Variants in PABPC4L observed in about 807,000 individuals in gnomAD.
The protein encoded by PABPC4L is polyadenylate-binding protein 4-like.
For missense variants in PABPC4L, 452 were observed against 451.4 expected, an observed-to-expected ratio of 1.00 and a Z score of -0.01; for synonymous variants, 169 against 164.1, an observed-to-expected ratio of 1.03 and a Z score of -0.23.
At chr4:134,050,706 CAAAAAAAAA>C in the PABPC4L span, among the ~76,000 whole-genome samples, 2 of 83,018 alleles carry the variant, frequency 2.4e-5, no homozygotes, top group Non-Finnish European at 4.5e-5. Context: ...CACCGTCTCC[CAAAAAAAAA>C]AAAAAAAAAA....
chr4:133,976,291 C>G, the PABPC4L span, among the ~76,000 whole-genome samples: 131 of 152,192 alleles, frequency 8.6e-4, 1 homozygote, highest in African/African-American at 3.1e-3. Context: ...TGTTCTCATT[C>G]TTTTTATGGC....
chr4:134,030,366 AG>A, the PABPC4L span, among the ~76,000 whole-genome samples: 1 of 152,168 alleles, frequency 6.6e-6, no homozygotes, highest in Admixed American at 6.6e-5. Flanking sequence ...AAAGCTTCAA[AG>A]TTTTAATTTT....
chr4:134,018,227 T>C, the PABPC4L span, among the ~76,000 whole-genome samples: 1 of 151,924 alleles, frequency 6.6e-6, no homozygotes, highest in Non-Finnish European at 1.5e-5. Context: ...TTGACTGTAA[T>C]TTTCCTTTAC....
At chr4:134,008,415 C>A in the PABPC4L span, among the ~76,000 whole-genome samples, 2 of 151,362 alleles carry the variant, frequency 1.3e-5, no homozygotes, top group African/African-American at 4.9e-5. Flanking sequence ...AGTAGACTTA[C>A]CTAATGCACA....
At chr4:134,056,601 T>C in the PABPC4L span, among the ~76,000 whole-genome samples, 1 of 151,970 alleles carries the variant, frequency 6.6e-6, no homozygotes, top group Non-Finnish European at 1.5e-5. Context: ...AATTAATACA[T>C]AATATTATTT....
chr4:134,147,082 A>G, the PABPC4L span, among the ~76,000 whole-genome samples: 1 of 152,152 alleles, frequency 6.6e-6, no homozygotes, highest in Admixed American at 6.6e-5. Context: ...GCATTATCAT[A>G]ACAAAATAAT....
chr4:134,123,747 T>TA, the PABPC4L span, among the ~76,000 whole-genome samples: 2 of 151,962 alleles, frequency 1.3e-5, no homozygotes, highest in African/African-American at 4.8e-5. Context: ...TTTTAATTTT[T>TA]AAAAAATGCC....
At chr4:133,951,799 A>G in the PABPC4L span, among the ~76,000 whole-genome samples, 4 of 152,120 alleles carry the variant, frequency 2.6e-5, no homozygotes, top group Admixed American at 1.3e-4. Context: ...TAGAAGGGTC[A>G]GGTTCCCCTT....
chr4:134,003,221 G>A, the PABPC4L span, among the ~76,000 whole-genome samples: 6 of 151,868 alleles, frequency 4.0e-5, no homozygotes, highest in Admixed American at 6.6e-5. Flanking sequence ...TTTAGTTCAC[G>A]GAAAGGAGAA....
the PABPC4L span, among the ~76,000 whole-genome samples, chr4:134,050,576 G>C: frequency 6.6e-6 from 1 of 151,740 alleles, no homozygotes; most frequent in African/African-American, 2.4e-5. Context: ...ATGGTAGCAG[G>C]CGCCTGTAAA....
the PABPC4L span, among the ~76,000 whole-genome samples, chr4:134,050,156 A>C: frequency 6.6e-6 from 1 of 152,160 alleles, no homozygotes; most frequent in Non-Finnish European, 1.5e-5. Context: ...TTACATTAAA[A>C]AATTTTTTTC....
chr4:133,987,592 C>T, the PABPC4L span, among the ~76,000 whole-genome samples: 2 of 151,812 alleles, frequency 1.3e-5, no homozygotes, highest in Middle Eastern at 3.4e-3. Context: ...CACCAACAAG[C>T]CTATACAGAT....
At chr4:134,190,806 C>T in the PABPC4L span, among the ~76,000 whole-genome samples, 3 of 151,994 alleles carry the variant, frequency 2.0e-5, no homozygotes, top group Non-Finnish European at 4.4e-5. Flanking sequence ...TGCACCTCAC[C>T]ACGCCTAGCT....
At chr4:134,087,829 G>A in the PABPC4L span, among the ~76,000 whole-genome samples, 1,923 of 151,952 alleles carry the variant, frequency 0.013, 43 homozygotes, top group African/African-American at 0.041. Flanking sequence ...CTGGCCTCTC[G>A]GTCTATAAAA....
chr4:134,049,370 G>T, the PABPC4L span, among the ~76,000 whole-genome samples: 2 of 152,016 alleles, frequency 1.3e-5, no homozygotes, highest in Non-Finnish European at 2.9e-5. Context: ...ATACTACAAT[G>T]TCAACAAGAA....
At chr4:134,138,401 C>CA in the PABPC4L span, among the ~76,000 whole-genome samples, 2 of 151,400 alleles carry the variant, frequency 1.3e-5, no homozygotes, top group South Asian at 4.2e-4. Context: ...GTGTCATTTG[C>CA]AAAAAAAGAA....
chr4:134,033,665 G>A, the PABPC4L span, among the ~76,000 whole-genome samples: 2 of 151,896 alleles, frequency 1.3e-5, no homozygotes, highest in Non-Finnish European at 2.9e-5. Context: ...GATCAAACCA[G>A]ACACAACACT....
the PABPC4L span, among the ~76,000 whole-genome samples, chr4:133,986,739 C>CA: frequency 6.9e-6 from 1 of 143,958 alleles, no homozygotes; most frequent in Non-Finnish European, 1.5e-5. Flanking sequence ...AGTGAGAAGA[C>CA]TTTTTTTTTT....
At chr4:133,994,200 C>T in the PABPC4L span, among the ~76,000 whole-genome samples, 5 of 152,054 alleles carry the variant, frequency 3.3e-5, no homozygotes, top group African/African-American at 4.8e-5. Context: ...GGGTGAATTC[C>T]AAGGGCTGTT....
Sources: gnomAD v4.1 joint callset for allele counts (sites outside exome capture counted in the v4.1 genomes callset) on GRCh38, gnomAD v4.1.1 for gene constraint, MANE v1.5 for transcripts, NCBI Gene and HGNC (gene_info 2026-07-23, HGNC 2026-07-21) for gene names.